PRRT3: variants seen among roughly 807,000 people sequenced by gnomAD.
The protein encoded by PRRT3 is proline-rich transmembrane protein 3.
A neutral mutation model predicts 56.6 loss-of-function variants in PRRT3; 48 were observed. That is an observed-to-expected ratio of 0.85 (90% CI 0.67 to 1.08). The LOEUF is 1.08. Ranked by LOEUF, PRRT3 falls within the 50% of genes least tolerant of loss-of-function variation. The pLI, the probability that PRRT3 is intolerant of heterozygous loss-of-function variation, is 0.00. For missense variants in PRRT3, 1,370 were observed against 1,353.1 expected, an observed-to-expected ratio of 1.01 and a Z score of -0.20; for synonymous variants, 641 against 619.1, an observed-to-expected ratio of 1.04 and a Z score of -0.52.
chr3:9,946,995 C>T lies in PRRT3; in HGVS notation c.2178G>A (p.Lys726=), dbSNP rs367612791. ...TATTGGGTCGCTCCGGCACCTCGCTCTTTCCTGACGGCGCCGGGCACGCCA... is the reference window on the plus strand; with the variant it reads ...TATTGGGTCGCTCCGGCACCTCGCTTTTTCCTGACGGCGCCGGGCACGCCA... ...MRLACPAPSG[K]SEVPERPNNC... The change falls in exon 4 of 4, where the codon AAG becomes AAA. Residue 726 remains lysine, a synonymous_variant. Transcript: ENST00000412055. The surrounding 1 kb of genome is among the most constrained non-coding windows in gnomAD (Gnocchi z 4.1). The T allele has an allele frequency of 1.7e-3, 2,585 of 1,543,188 alleles. 15 individuals are homozygous for T. The highest frequency in any genetic ancestry group is 5.3e-3 in the South Asian group (453 of 84,708).
rs1387399434 is a variant in PRRT3 at position 9,946,645 on chromosome 3, GGCGGGGAGGCCAGGCC to G, written c.2512_2527del (p.Gly838ArgfsTer46). 1 of 1,395,916 alleles carries G rather than the reference GGCGGGGAGGCCAGGCC, an allele frequency of 7.2e-7. No homozygotes were observed. Among genetic ancestry groups the G allele is most frequent in the South Asian group, 1.6e-5 (1 of 62,250 alleles). 86.5% of individuals were successfully genotyped at this position (1,395,916 alleles called of 1,614,324 possible). On this transcript the variant is annotated frameshift_variant, in exon 4 of 4. Coordinates refer to ENST00000412055, the MANE Select transcript of PRRT3 (RefSeq NM_207351.5). LOFTEE classifies it low-confidence loss of function (END_TRUNC). This position sits in a 1 kb window ranked among gnomAD's most constrained non-coding sequence, Gnocchi z 4.1. ...GCGCGGCCGCAGAGCGCCTCCAGGC[GGCGGGGAGGCCAGGCC>G]GCGGAGGCCGCAGCGCTGGAACACA...
rs543512845 is a variant in PRRT3, at chr3:9,952,162, C to T, written c.-58+160G>A. Among the ~76,000 whole-genome samples the T allele has an allele frequency of 8.2e-3, 1,243 of 152,314 alleles. 12 individuals carry two copies. The highest frequency in any genetic ancestry group is 0.027 in the African/African-American group (1,136 of 41,558). On this transcript the variant is annotated intron_variant, in intron 1 of 3. Transcript: ENST00000412055. The stretch of plus-strand genomic sequence containing the variant: ...GTTACCTCTCCTCCTCCTCCTCCTC[C>T]TCCTCCGTCTCCTCTCTCCCTGGCT...
At position 9,947,829 on chromosome 3, in the gene PRRT3, G is replaced by A; in HGVS notation, c.1344C>T (p.Ser448=). ...GGGGTGCAGTGGCGTTGGCTGGGGG[G>A]CTGGAGGCTGGGGCTGAAGCCATGG... ...ASSMASAPAS[S]PPANATAPPL... Residue 448 remains serine (S), a synonymous_variant, in exon 4 of 4, where the codon AGC becomes AGT. Coordinates refer to ENST00000412055, the MANE Select transcript of PRRT3 (RefSeq NM_207351.5). The surrounding 1 kb of genome is among the most constrained non-coding windows in gnomAD (Gnocchi z 9.2). The A allele has an allele frequency of 6.9e-7, 1 of 1,439,294 alleles. No homozygotes were observed. Among genetic ancestry groups the A allele is most frequent in the Admixed American group, 3.0e-5 (1 of 33,014 alleles). The allele number at this position is 1,439,294 out of a possible 1,614,324, so 89.2% of individuals were successfully genotyped here.
chr3:9,947,768 A>C lies in PRRT3; in HGVS notation c.1405T>G (p.Phe469Val). 6.7e-7 allele frequency: 1 copy of C among 1,490,892 alleles called. No individual in the cohort carries two copies. The allele number at this position is 1,490,892 out of a possible 1,614,324, so 92.4% of individuals were successfully genotyped here. A position where few individuals can be genotyped will look rare whatever the true frequency, so the allele number is the denominator to read the frequency against. The change falls in exon 4 of 4, where the codon TTC (phenylalanine) becomes GTC (valine). Residue 469 changes from phenylalanine to valine, a missense_variant. Phe to Val is a conservative substitution (Grantham distance 50). Transcript: ENST00000412055. This position sits in a 1 kb window ranked among gnomAD's most constrained non-coding sequence, Gnocchi z 9.2. Reference sequence around the variant, plus strand: ...CCGTAGACGTGCAGCTCCCAGGAGAAGCTCAGGACCCGCCGAAGGGGGCCC... The same window carrying C: ...CCGTAGACGTGCAGCTCCCAGGAGACGCTCAGGACCCGCCGAAGGGGGCCC... ...RWGPLRRVLS[F>V]SWELHVYGVG... is the part of the protein sequence containing the mutation.
Position 9,946,720 on chromosome 3 carries a change from G to T in PRRT3, c.2453C>A (p.Ala818Asp). Reference sequence around the variant, plus strand: ...CACTAGGTGCTCGCGGAAGAGCGCGGCGTCGATGCTGCGGCTCAGGTTGAT... The same window carrying T: ...CACTAGGTGCTCGCGGAAGAGCGCGTCGTCGATGCTGCGGCTCAGGTTGAT... ...SPINLSRSID[A>D]ALFREHLVRD... The change falls in exon 4 of 4, where the codon GCC (alanine) becomes GAC (aspartate). Residue 818 changes from alanine (A) to aspartate (D), a missense_variant. Transcript: ENST00000412055. This position sits in a 1 kb window ranked among gnomAD's most constrained non-coding sequence, Gnocchi z 4.1. 6.7e-7 allele frequency: 1 copy of T among 1,490,956 alleles called. No homozygotes were observed. Among genetic ancestry groups the T allele is most frequent in the Non-Finnish European group, 8.9e-7 (1 of 1,129,766 alleles). The allele number at this position is 1,490,956 out of a possible 1,614,324, so 92.4% of individuals were successfully genotyped here.
In PRRT3 at chr3:9,952,357, G is replaced by C. The variant is rs1296501574; in HGVS notation, c.-93C>G. On this transcript the variant is annotated 5_prime_UTR_variant, in exon 1 of 4. Transcript: ENST00000412055. ...CAGCCCCCGTGTTCACCTTGCGCGC[G>C]TCCCTGCAGCCGATCGCCGCGCCGC... 6.6e-6 allele frequency: 1 copy of C among 152,238 alleles called. No homozygotes were observed. The highest frequency in any genetic ancestry group is 1.9e-4 in the East Asian group (1 of 5,198). 9.4% of individuals were successfully genotyped at this position (152,238 alleles called of 1,614,324 possible). A position where few individuals can be genotyped will look rare whatever the true frequency, so the allele number is the denominator to read the frequency against.
chr3:9,949,982 G>A lies in PRRT3; in HGVS notation c.134C>T (p.Ala45Val), dbSNP rs1482281970. Residue 45 changes from alanine to valine, a missense_variant, in exon 2 of 4, where the codon GCC (alanine) becomes GTC (valine). Ala to Val is a moderately conservative substitution (Grantham distance 64). Coordinates refer to ENST00000412055, the MANE Select transcript of PRRT3 (RefSeq NM_207351.5). The surrounding 1 kb of genome is among the most constrained non-coding windows in gnomAD (Gnocchi z 4.5). ...ENSEIPMIPG[A>V]HPKGSVGSEP... ...TGAGCCCACAGAGCCCTTGGGGTGG[G>A]CTCCAGGGATCATAGGGATTTCGGA... The A allele has an allele frequency of 6.4e-7, 1 of 1,554,804 alleles. No homozygotes were observed. The highest frequency in any genetic ancestry group is 8.7e-7 in the Non-Finnish European group (1 of 1,154,060).
At chr3:9,948,713 C>T (rs2085569488) in intron 3 of PRRT3, 45 bp downstream of exon 3, 1 of 1,610,718 alleles carries the variant, frequency 6.2e-7, no homozygotes, top group African/African-American at 1.3e-5. Context: ...TTCTCAGTTA[C>T]TAGACAGAGC....
chr3:9,948,672 A>G (rs969690974), intron 3 of PRRT3, 86 bp downstream of exon 3: 1 of 1,498,088 alleles, frequency 6.7e-7, no homozygotes. Context: ...TTCATTCCCC[A>G]CCCTCCGCCC....
rs775805094 is a variant in PRRT3, at chr3:9,949,890, G to A, written c.226C>T (p.Arg76Cys). ...GGCATCTCTTCAGCAGGGGCGTGGC[G>A]GACATCAGAGTTCCTGTGACTGTCA... ...RADSHRNSDV[R>C]HAPAEEMPEK... The change falls in exon 2 of 4, where the codon CGC becomes TGC. Residue 76 changes from arginine to cysteine, a missense_variant. Arg to Cys is a radical substitution (Grantham distance 180). Transcript: ENST00000412055. This position sits in a 1 kb window ranked among gnomAD's most constrained non-coding sequence, Gnocchi z 4.5. 23 of 1,613,238 alleles carry A rather than the reference G, an allele frequency of 1.4e-5. No individual in the cohort carries two copies. Among genetic ancestry groups the A allele is most frequent in the South Asian group, 5.5e-5 (5 of 91,010 alleles).
chr3:9,946,619 G>A lies in PRRT3; in HGVS notation c.2554C>T (p.Arg852Trp), dbSNP rs1280619112. Residue 852 changes from arginine to tryptophan, a missense_variant, in exon 4 of 4, where the codon CGG becomes TGG. Transcript: ENST00000412055. This position sits in a 1 kb window ranked among gnomAD's most constrained non-coding sequence, Gnocchi z 4.1. ...PPPGGALRPR[R>W]GSHPKAELDD... Reference sequence around the variant, plus strand: ...AGCTCGGCTTTGGGATGGCTGCCCCGGCGCGGCCGCAGAGCGCCTCCAGGC... The same window carrying A: ...AGCTCGGCTTTGGGATGGCTGCCCCAGCGCGGCCGCAGAGCGCCTCCAGGC... 21 of 1,392,886 alleles carry A rather than the reference G, an allele frequency of 1.5e-5. No homozygotes were observed. The highest frequency in any genetic ancestry group is 2.0e-4 in the Middle Eastern group (1 of 4,880). 86.3% of individuals were successfully genotyped at this position (1,392,886 alleles called of 1,614,324 possible).
In PRRT3 at chr3:9,946,483, G is replaced by A; in HGVS notation, c.2690C>T (p.Ala897Val). ...HVVEAPDGAA[A>V]AASGSSLDSF... Reference sequence around the variant, plus strand: ...GTCGAGGGAGCTGCCAGAAGCCGCAGCGGCTGCCCCGTCGGGTGCTTCCAC... The same window carrying A: ...GTCGAGGGAGCTGCCAGAAGCCGCAACGGCTGCCCCGTCGGGTGCTTCCAC... Residue 897 changes from alanine (A) to valine (V), a missense_variant, in exon 4 of 4, where the codon GCT becomes GTT. Coordinates refer to ENST00000412055, the MANE Select transcript of PRRT3 (RefSeq NM_207351.5). This position sits in a 1 kb window ranked among gnomAD's most constrained non-coding sequence, Gnocchi z 4.1. 2 of 1,553,732 alleles carry A rather than the reference G, an allele frequency of 1.3e-6. No individual in the cohort carries two copies. The highest frequency in any genetic ancestry group is 1.7e-6 in the Non-Finnish European group (2 of 1,149,338).
chr3:9,948,611 G>A (rs2085567505), intron 3 of PRRT3, 147 bp downstream of exon 3: 2 of 838,288 alleles, frequency 2.4e-6, no homozygotes. Flanking sequence ...ATTATCCTAG[G>A]TTGTTTGAAG....
chr3:9,951,471 C>T (rs543629052), intron 1 of PRRT3, among the ~76,000 whole-genome samples: 18 of 152,206 alleles, frequency 1.2e-4, no homozygotes, highest in Non-Finnish European at 2.4e-4. Context: ...TCAAGGGGTT[C>T]AAAGACCTTT....
chr3:9,948,661 A>T, intron 3 of PRRT3, 97 bp downstream of exon 3: 1 of 1,438,628 alleles, frequency 7.0e-7, no homozygotes, highest in South Asian at 1.2e-5. Flanking sequence ...GATTGTCTCC[A>T]TTCATTCCCC....
Position 9,947,645 on chromosome 3 carries a change from C to A in PRRT3, c.1528G>T (p.Val510Leu). Residue 510 changes from valine (V) to leucine (L), a missense_variant, in exon 4 of 4, where the codon GTG (valine) becomes TTG (leucine). Coordinates refer to ENST00000412055, the MANE Select transcript of PRRT3 (RefSeq NM_207351.5). This position sits in a 1 kb window ranked among gnomAD's most constrained non-coding sequence, Gnocchi z 9.2. ...GATCGCAGCGCCGAAGCCACGAGCA[C>A]CAGCACCGCGGCCACCAATGCCAGC... The part of the protein sequence containing the change: ...PRLALVAAVL[V>L]LVASALRSAY... 6.4e-7 allele frequency: 1 copy of A among 1,574,542 alleles called. No individual in the cohort carries two copies. The highest frequency in any genetic ancestry group is 1.2e-5 in the South Asian group (1 of 85,806).
chr3:9,946,991 C>T lies in PRRT3; in HGVS notation c.2182G>A (p.Glu728Lys). The T allele has an allele frequency of 1.3e-6, 2 of 1,543,344 alleles. No individual in the cohort carries two copies. Among genetic ancestry groups the T allele is most frequent in the Non-Finnish European group, 1.7e-6 (2 of 1,149,264 alleles). ...LACPAPSGKS[E>K]VPERPNNCYA... ...CAGTTATTGGGTCGCTCCGGCACCT[C>T]GCTCTTTCCTGACGGCGCCGGGCAC... Residue 728 changes from glutamate to lysine, a missense_variant, in exon 4 of 4, where the codon GAG (glutamate) becomes AAG (lysine). Coordinates refer to ENST00000412055, the MANE Select transcript of PRRT3 (RefSeq NM_207351.5). The surrounding 1 kb of genome is among the most constrained non-coding windows in gnomAD (Gnocchi z 4.1).
chr3:9,946,556 T>A lies in PRRT3; in HGVS notation c.2617A>T (p.Arg873Trp). The change falls in exon 4 of 4, where the codon AGG (arginine) becomes TGG (tryptophan). Residue 873 changes from arginine to tryptophan, a missense_variant. Transcript: ENST00000412055. The surrounding 1 kb of genome is among the most constrained non-coding windows in gnomAD (Gnocchi z 4.1). ...CGCACGCGCACGTCGCTGAGCGACCTGCAGCGGCCGCGGAGGAGCGAGGAG... is the reference window on the plus strand; with the variant it reads ...CGCACGCGCACGTCGCTGAGCGACCAGCAGCGGCCGCGGAGGAGCGAGGAG... Reference protein sequence around the residue: ...AGSSLLRGRCRSLSDVRVRGP... With the variant: ...AGSSLLRGRCWSLSDVRVRGP... 1 of 1,427,162 alleles carries A rather than the reference T, an allele frequency of 7.0e-7. No homozygotes were observed. Among genetic ancestry groups the A allele is most frequent in the Non-Finnish European group, 9.2e-7 (1 of 1,090,220 alleles). The allele number at this position is 1,427,162 out of a possible 1,614,324, so 88.4% of individuals were successfully genotyped here.
chr3:9,951,234 A>G (rs539557393), intron 1 of PRRT3, among the ~76,000 whole-genome samples: 6 of 152,276 alleles, frequency 3.9e-5, no homozygotes, highest in African/African-American at 1.4e-4. Context: ...CCAGGGAGGC[A>G]GGAAGGGGCC....
Sources: gnomAD v4.1 joint callset for allele counts (sites outside exome capture counted in the v4.1 genomes callset) on GRCh38, gnomAD v4.1.1 for gene constraint, Gnocchi (gnomAD v3.1) non-coding constraint, MANE v1.5 for transcripts, NCBI Gene and HGNC (gene_info 2026-07-23, HGNC 2026-07-21) for gene names.